Variants in ERG observed in about 807,000 individuals in gnomAD.
The protein encoded by ERG is ETS transcription factor ERG.
In ERG, 9 loss-of-function variants were observed where a neutral mutation model predicts 55.3. The ratio of observed to expected loss-of-function variants is 0.16; its 90% CI spans 0.10 to 0.28. The LOEUF is 0.28. Ranked by LOEUF, ERG falls within the 10% of genes least tolerant of loss-of-function variation. The pLI, the probability that ERG is intolerant of heterozygous loss-of-function variation, is 1.00. For synonymous variants in ERG, 223 were observed against 237.3 expected, an observed-to-expected ratio of 0.94 and a Z score of 0.55; for missense variants, 434 against 631.6, an observed-to-expected ratio of 0.69 and a Z score of 3.35.
chr21:38,656,644 A>G (rs1282496553), intron 1 of ERG, among the ~76,000 whole-genome samples: 4 of 152,204 alleles, frequency 2.6e-5, no homozygotes, highest in Non-Finnish European at 5.9e-5. Flanking sequence ...GAGAAAATTA[A>G]TCTTTCTACC....
chr21:38,486,081 G>A (rs576032184), intron 1 of ERG, among the ~76,000 whole-genome samples: 15 of 151,684 alleles, frequency 9.9e-5, no homozygotes, highest in South Asian at 2.1e-4. Context: ...CTACAGGTGC[G>A]TGCCACCATG....
At chr21:38,390,854 C>T (rs1360960102) in intron 9 of ERG, 141 bp downstream of exon 9, 6 of 684,764 alleles carry the variant, frequency 8.8e-6, no homozygotes, top group Non-Finnish European at 1.6e-5. Flanking sequence ...CCCATCTTTC[C>T]ATTAAGGCAA....
intron 1 of ERG, among the ~76,000 whole-genome samples, chr21:38,604,265 A>AG (rs2060183787): frequency 6.6e-6 from 1 of 151,992 alleles, no homozygotes; most frequent in East Asian, 1.9e-4. Flanking sequence ...AAAAAAAAAA[A>AG]AAAAGTACTA....
At chr21:38,431,518 A>G (rs1193331589) in intron 2 of ERG, among the ~76,000 whole-genome samples, 1 of 152,218 alleles carries the variant, frequency 6.6e-6, no homozygotes, top group Non-Finnish European at 1.5e-5. Context: ...TAATTAACAG[A>G]ATAAAAATGA....
chr21:38,435,101 G>A (rs1990387785), intron 2 of ERG, among the ~76,000 whole-genome samples: 1 of 152,160 alleles, frequency 6.6e-6, no homozygotes, highest in African/African-American at 2.4e-5. Flanking sequence ...GAGGGCAAAG[G>A]GGTCAGTTCT....
Position 38,403,567 on chromosome 21 carries a change from C to A in ERG, c.531G>T (p.Gln177His). Residue 177 changes from glutamine to histidine, a missense_variant, in exon 4 of 10, where the codon CAG (glutamine) becomes CAT (histidine). Around this residue, in one of 5 missense-constraint regions of ERG, gnomAD observed 212 missense variants for 262.9 expected, o/e 0.81. Transcript: ENST00000288319. ...ELCKMTKDDF[Q>H]RLTPSYNADI... ...CGGCGTTGTAGCTGGGGGTGAGCCT[C>A]TGGAAGTCGTCCTTGGTCATCTTGC... is the stretch of plus-strand genomic sequence containing the variant. 1 of 1,614,176 alleles carries A rather than the reference C, an allele frequency of 6.2e-7. No homozygotes were observed. The highest frequency in any genetic ancestry group is 8.5e-7 in the Non-Finnish European group (1 of 1,180,036).
chr21:38,467,294 T>A (rs1409789775), intron 1 of ERG, among the ~76,000 whole-genome samples: 1 of 152,202 alleles, frequency 6.6e-6, no homozygotes, highest in African/African-American at 2.4e-5. Context: ...ATTGAAAGAA[T>A]GACCTGATAT....
chr21:38,400,999 A>G (rs1988463585), intron 5 of ERG, among the ~76,000 whole-genome samples: 1 of 152,230 alleles, frequency 6.6e-6, no homozygotes, highest in African/African-American at 2.4e-5. Flanking sequence ...CAACTTGTAT[A>G]AAAACCCATA....
chr21:38,566,225 C>T (rs1437816798), intron 2 of ERG, among the ~76,000 whole-genome samples: 1 of 152,252 alleles, frequency 6.6e-6, no homozygotes, highest in East Asian at 1.9e-4. Flanking sequence ...ATTAAACCAG[C>T]AAAAACCCAT....
At chr21:38,552,246 C>T (rs2146818820) in intron 2 of ERG, among the ~76,000 whole-genome samples, 1 of 152,202 alleles carries the variant, frequency 6.6e-6, no homozygotes, top group South Asian at 2.1e-4. Context: ...CCAAATTCTA[C>T]CAGATGTATA....
At chr21:38,622,939 A>G (rs979615659) in intron 1 of ERG, among the ~76,000 whole-genome samples, 1 of 9,182 alleles carries the variant, frequency 1.1e-4, no homozygotes, top group Non-Finnish European at 2.3e-4. Context: ...CACCACACAC[A>G]CACACACACA....
chr21:38,601,286 T>G (rs1410447998), intron 1 of ERG, among the ~76,000 whole-genome samples: 1 of 152,196 alleles, frequency 6.6e-6, no homozygotes, highest in East Asian at 1.9e-4. Flanking sequence ...AAGGCTCAGT[T>G]GTACACTGTG....
intron 1 of ERG, among the ~76,000 whole-genome samples, chr21:38,462,809 C>T (rs1267380660): frequency 6.6e-6 from 1 of 152,222 alleles, no homozygotes; most frequent in Non-Finnish European, 1.5e-5. Flanking sequence ...TCATGACCCC[C>T]ACCCATCAGC....
At position 38,556,210 on chromosome 21, in the gene ERG, C is replaced by T. The variant is rs906960346; in HGVS notation, c.-41+19452G>A. On this transcript the variant is annotated intron_variant, in intron 2 of 8. Transcript: ENST00000398897. The stretch of plus-strand genomic sequence containing the variant: ...CAAAAAATTGAAAAAATAGCAGTTA[C>T]TATGACCTCTTTTGGCAAAAATAAT... Among the ~76,000 whole-genome samples, 5 of 152,070 alleles carry T rather than the reference C, an allele frequency of 3.3e-5. No homozygotes were observed. In the East Asian group the frequency reaches 9.6e-4, roughly 29 times the overall value.
At chr21:38,385,473 C>A (rs1036598583) in intron 9 of ERG, among the ~76,000 whole-genome samples, 2 of 152,118 alleles carry the variant, frequency 1.3e-5, no homozygotes, top group Non-Finnish European at 2.9e-5. Flanking sequence ...CTTCTAAATC[C>A]TCGCTAGCCT....
chr21:38,635,208 T>C (rs1367046388), intron 1 of ERG, among the ~76,000 whole-genome samples: 1 of 152,136 alleles, frequency 6.6e-6, no homozygotes, highest in African/African-American at 2.4e-5. Context: ...TATGGTACTA[T>C]CATAGTAGGA....
At chr21:38,643,686 G>A (rs181440793) in intron 1 of ERG, among the ~76,000 whole-genome samples, 272 of 152,222 alleles carry the variant, frequency 1.8e-3, no homozygotes, top group African/African-American at 6.4e-3. Flanking sequence ...GGAATGCATC[G>A]GTCTGCACCT....
Position 38,409,352 on chromosome 21 carries a change from G to A in ERG, c.389-5643C>T, listed in dbSNP as rs541590418. The stretch of plus-strand genomic sequence containing the variant: ...TACAAAATTAGCCGGGTGTGGTGGC[G>A]CATGCCTGTAATGCCAGCTACTCAG... On this transcript the variant is annotated intron_variant, in intron 3 of 9. Coordinates refer to ENST00000288319, the MANE Select transcript of ERG (RefSeq NM_182918.4). Among the ~76,000 whole-genome samples, 23 of 152,192 alleles carry A rather than the reference G, an allele frequency of 1.5e-4. No homozygotes were observed. In the East Asian group the frequency reaches 2.9e-3, roughly 19 times the overall value.
intron 2 of ERG, among the ~76,000 whole-genome samples, chr21:38,559,718 G>C (rs909921413): frequency 6.6e-6 from 1 of 151,972 alleles, no homozygotes; most frequent in Admixed American, 6.5e-5. Flanking sequence ...TTTCGCTCTT[G>C]TTGCCCAGGC....
Sources: gnomAD v4.1 joint callset for allele counts (sites outside exome capture counted in the v4.1 genomes callset) on GRCh38, gnomAD v4.1.1 for gene constraint, gnomAD v4.1.1 regional missense constraint, MANE v1.5 for transcripts, NCBI Gene and HGNC (gene_info 2026-07-23, HGNC 2026-07-21) for gene names.